Variants in CCSER1 observed in about 807,000 individuals in gnomAD.
The protein encoded by CCSER1 is serine-rich coiled-coil domain-containing protein 1.
In CCSER1, 41 loss-of-function variants were observed where a neutral mutation model predicts 82.0. That is an observed-to-expected ratio of 0.50 (90% CI 0.39 to 0.65). The LOEUF is 0.65. Among genes scored for constraint, CCSER1 ranks in the 30% least tolerant of loss-of-function variants. The pLI is 0.00. For synonymous variants in CCSER1, 414 were observed against 383.9 expected (o/e 1.08, Z -0.92); for missense variants, 1,119 against 1,064.2 (o/e 1.05, Z -0.72).
At chr4:91,271,744 A>G (rs1001466528) in intron 10 of CCSER1, among the ~76,000 whole-genome samples, 1 of 152,042 alleles carries the variant, frequency 6.6e-6, no homozygotes, top group African/African-American at 2.4e-5. Context: ...ACACATATAT[A>G]TATCACAGTT....
intron 10 of CCSER1, among the ~76,000 whole-genome samples, chr4:91,406,423 A>T (rs193078808): frequency 3.3e-5 from 5 of 152,160 alleles, no homozygotes; most frequent in Non-Finnish European, 7.4e-5. Flanking sequence ...TTAGGATTCA[A>T]TGTGGTTCTT....
intron 5 of CCSER1, among the ~76,000 whole-genome samples, chr4:90,505,493 A>C (rs147830318): frequency 0.012 from 1,779 of 152,320 alleles, 13 homozygotes; most frequent in South Asian, 0.022. Flanking sequence ...GGATGTCTCC[A>C]TTGTCACTTC....
chr4:90,511,863 C>A (rs539208538), intron 5 of CCSER1, among the ~76,000 whole-genome samples: 1 of 151,864 alleles, frequency 6.6e-6, no homozygotes, highest in East Asian at 1.9e-4. Flanking sequence ...CACAAAGAAC[C>A]CAGACAAAGA....
Position 91,171,924 on chromosome 4 carries a change from T to A in CCSER1, c.2217+85930T>A, listed in dbSNP as rs190092075. On this transcript the variant is annotated intron_variant, in intron 10 of 10. Transcript: ENST00000509176. Reference sequence around the variant, plus strand: ...CTATTTAAACTTTTATGATGTTCTCTTTTAAATATTCAGGGTCCAACTTTA... The same window carrying A: ...CTATTTAAACTTTTATGATGTTCTCATTTAAATATTCAGGGTCCAACTTTA... Among the ~76,000 whole-genome samples the A allele has an allele frequency of 1.9e-3, 291 of 152,262 alleles. 2 individuals are homozygous for A. The highest frequency in any genetic ancestry group is 6.7e-3 in the African/African-American group (277 of 41,560).
intron 1 of CCSER1, among the ~76,000 whole-genome samples, chr4:90,266,304 T>C (rs1047853327): frequency 1.3e-5 from 2 of 152,128 alleles, no homozygotes; most frequent in Non-Finnish European, 2.9e-5. Context: ...CTAAAATGAA[T>C]GTCATGTGGC....
intron 5 of CCSER1, among the ~76,000 whole-genome samples, chr4:90,508,770 A>G (rs905807264): frequency 6.6e-6 from 1 of 152,016 alleles, no homozygotes; most frequent in African/African-American, 2.4e-5. Context: ...AGTATAATTA[A>G]TATCTTTTTT....
At chr4:90,880,667 C>A (rs1721166109) in intron 8 of CCSER1, among the ~76,000 whole-genome samples, 1 of 152,170 alleles carries the variant, frequency 6.6e-6, no homozygotes, top group Non-Finnish European at 1.5e-5. Context: ...AGCCCAGTCC[C>A]AGAGGAACTG....
intron 5 of CCSER1, among the ~76,000 whole-genome samples, chr4:90,603,941 C>T (rs368025655): frequency 2.6e-5 from 4 of 152,100 alleles, no homozygotes; most frequent in East Asian, 1.9e-4. Flanking sequence ...AATGACCCCA[C>T]GATACCTTAT....
At chr4:90,600,689 C>T (rs1345740229) in intron 5 of CCSER1, among the ~76,000 whole-genome samples, 1 of 151,706 alleles carries the variant, frequency 6.6e-6, no homozygotes, top group African/African-American at 2.4e-5. Context: ...TCAAAGACAT[C>T]TAGCTACTTT....
At chr4:91,594,332 C>CACACATATATATACATATATAT (rs1290860880) in intron 10 of CCSER1, among the ~76,000 whole-genome samples, 8 of 145,818 alleles carry the variant, frequency 5.5e-5, no homozygotes, top group African/African-American at 1.0e-4. Context: ...CATATATGTA[C>CACACATATATATACATATATAT]ACACATATAT....
At chr4:90,283,698 A>G (rs1273588518) in intron 1 of CCSER1, among the ~76,000 whole-genome samples, 1 of 152,002 alleles carries the variant, frequency 6.6e-6, no homozygotes, top group African/African-American at 2.4e-5. Flanking sequence ...CATTGTGTAT[A>G]TGGATCACAT....
At chr4:91,132,305 C>T (rs1554071285) in intron 10 of CCSER1, among the ~76,000 whole-genome samples, 1 of 152,000 alleles carries the variant, frequency 6.6e-6, no homozygotes, top group Non-Finnish European at 1.5e-5. Flanking sequence ...AAAACCCATA[C>T]AAGTATAAGA....
At chr4:90,461,190 C>T (rs1333907105) in intron 4 of CCSER1, among the ~76,000 whole-genome samples, 3 of 133,410 alleles carry the variant, frequency 2.2e-5, no homozygotes, top group Admixed American at 7.3e-5. Context: ...CTCAGCCTCC[C>T]AAGTAGCTGG....
intron 5 of CCSER1, among the ~76,000 whole-genome samples, chr4:90,548,070 C>T (rs6822624): frequency 0.046 from 6,960 of 152,046 alleles, 189 homozygotes; most frequent in South Asian, 0.11. Context: ...TGTATTCTTA[C>T]ATCTCTGAAA....
At chr4:91,194,263 C>G (rs80301364) in intron 10 of CCSER1, among the ~76,000 whole-genome samples, 1,796 of 152,244 alleles carry the variant, frequency 0.012, 36 homozygotes, top group African/African-American at 0.04. Flanking sequence ...GGACCCTATT[C>G]TTATTTTAAA....
chr4:90,307,729 A>G (rs1734569108), intron 1 of CCSER1, among the ~76,000 whole-genome samples: 1 of 151,802 alleles, frequency 6.6e-6, no homozygotes, highest in African/African-American at 2.4e-5. Flanking sequence ...AGGCTATACC[A>G]TTGTCTTGTT....
chr4:90,531,049 G>A (rs1002593508), intron 5 of CCSER1, among the ~76,000 whole-genome samples: 6 of 152,086 alleles, frequency 3.9e-5, no homozygotes, highest in South Asian at 4.1e-4. Context: ...CAATGAGTAC[G>A]AATTTAGTTC....
intron 10 of CCSER1, among the ~76,000 whole-genome samples, chr4:91,266,831 G>A (rs1348943746): frequency 6.6e-6 from 1 of 152,106 alleles, no homozygotes; most frequent in Non-Finnish European, 1.5e-5. Context: ...TCTGGCCTAA[G>A]GAAGGCTATA....
intron 6 of CCSER1, among the ~76,000 whole-genome samples, chr4:90,669,459 G>T (rs561583676): frequency 6.6e-6 from 1 of 152,156 alleles, no homozygotes; most frequent in African/African-American, 2.4e-5. Flanking sequence ...ATACTCTATA[G>T]AATCCCTCCT....
Sources: gnomAD v4.1 joint callset for allele counts (sites outside exome capture counted in the v4.1 genomes callset) on GRCh38, gnomAD v4.1.1 for gene constraint, MANE v1.5 for transcripts, NCBI Gene and HGNC (gene_info 2026-07-23, HGNC 2026-07-21) for gene names.